The following RAP2A variants were observed in gnomAD, a reference collection of about 807,000 sequenced individuals.
RAP2A encodes RAP2A, member of RAS oncogene family, also known as ras-related protein Rap-2a.
Under a neutral mutation model 15.1 loss-of-function variants are expected in RAP2A, and 5 were observed. That is an observed-to-expected ratio of 0.33 (90% confidence interval 0.17 to 0.70). The LOEUF is 0.70. RAP2A is among the 30% of genes least tolerant of loss of function. The pLI is 0.68. For missense variants in RAP2A, 111 were observed against 240.3 expected, an observed-to-expected ratio of 0.46 and a Z score of 3.56; for synonymous variants, 110 against 99.7, an observed-to-expected ratio of 1.10 and a Z score of -0.62.
intron 1 of RAP2A, among the ~76,000 whole-genome samples, chr13:97,462,072 A>G (rs1379849451): frequency 6.9e-6 from 1 of 145,224 alleles, no homozygotes; most frequent in Non-Finnish European, 1.5e-5. Flanking sequence ...ATATTTATAT[A>G]TTATATATAT....
chr13:97,439,870 T>TAGCA (rs1224061907), intron 1 of RAP2A, among the ~76,000 whole-genome samples: 2 of 152,130 alleles, frequency 1.3e-5, no homozygotes, highest in Non-Finnish European at 2.9e-5. Context: ...GATAGTTGAC[T>TAGCA]AGCACTACCC....
At chr13:97,439,184 T>G (rs1052555459) in intron 1 of RAP2A, among the ~76,000 whole-genome samples, 1 of 152,286 alleles carries the variant, frequency 6.6e-6, no homozygotes, top group African/African-American at 2.4e-5. Flanking sequence ...GTGAAAATTT[T>G]TAAAGCTAAA....
intron 1 of RAP2A, among the ~76,000 whole-genome samples, chr13:97,451,597 T>C (rs190768012): frequency 6.6e-6 from 1 of 152,300 alleles, no homozygotes; most frequent in African/African-American, 2.4e-5. Flanking sequence ...GGATAGTTTC[T>C]AGGTAGGGGT....
chr13:97,451,482 G>A (rs1421062484), intron 1 of RAP2A, among the ~76,000 whole-genome samples: 3 of 152,210 alleles, frequency 2.0e-5, no homozygotes, highest in East Asian at 3.9e-4. Flanking sequence ...GGATTCATCC[G>A]TGTTGTTGCA....
At chr13:97,461,971 A>T (rs186003170) in intron 1 of RAP2A, among the ~76,000 whole-genome samples, 11,143 of 141,978 alleles carry the variant, frequency 0.078, 506 homozygotes, top group Middle Eastern at 0.11. Flanking sequence ...TCAAAAAAAA[A>T]ATATATATAT....
intron 1 of RAP2A, among the ~76,000 whole-genome samples, chr13:97,446,446 C>G (rs1162606857): frequency 6.6e-6 from 1 of 152,132 alleles, no homozygotes; most frequent in Non-Finnish European, 1.5e-5. Flanking sequence ...AAGATGACAT[C>G]TTTTTTACTA....
At chr13:97,436,607 T>G (rs986884145) in intron 1 of RAP2A, among the ~76,000 whole-genome samples, 1 of 152,146 alleles carries the variant, frequency 6.6e-6, no homozygotes, top group African/African-American at 2.4e-5. Context: ...TCCACATAAT[T>G]TTGTAGTTTC....
chr13:97,449,462 T>C (rs1186616531), intron 1 of RAP2A, among the ~76,000 whole-genome samples: 2 of 152,178 alleles, frequency 1.3e-5, no homozygotes, highest in Admixed American at 1.3e-4. Flanking sequence ...ATCCCTGTAA[T>C]CACTACTGGA....
intron 1 of RAP2A, among the ~76,000 whole-genome samples, chr13:97,459,267 G>C (rs1363100851): frequency 1.3e-5 from 2 of 151,686 alleles, no homozygotes; most frequent in African/African-American, 2.4e-5. Context: ...AGGGGGTAAG[G>C]AAGAAATGAT....
chr13:97,438,513 C>A (rs1255976034), intron 1 of RAP2A, among the ~76,000 whole-genome samples: 7 of 151,966 alleles, frequency 4.6e-5, no homozygotes, highest in Admixed American at 2.6e-4. Flanking sequence ...AAATATCAGA[C>A]CTTAGCAATG....
At chr13:97,459,266 G>A (rs1160232143) in intron 1 of RAP2A, among the ~76,000 whole-genome samples, 1 of 151,746 alleles carries the variant, frequency 6.6e-6, no homozygotes, top group Non-Finnish European at 1.5e-5. Flanking sequence ...AAGGGGGTAA[G>A]GAAGAAATGA....
At chr13:97,449,358 A>G (rs2066692500) in intron 1 of RAP2A, among the ~76,000 whole-genome samples, 1 of 152,228 alleles carries the variant, frequency 6.6e-6, no homozygotes, top group Admixed American at 6.5e-5. Context: ...GCAGTGTCTT[A>G]GGTATGAGTT....
intron 1 of RAP2A, 41 bp from the exon 2 acceptor site, chr13:97,464,164 A>G: frequency 1.3e-6 from 2 of 1,595,242 alleles, no homozygotes; most frequent in Non-Finnish European, 8.6e-7. Context: ...ACTTTGTGCT[A>G]ACTGTTACAA....
At chr13:97,462,958 T>G (rs1397451994) in intron 1 of RAP2A, among the ~76,000 whole-genome samples, 1 of 152,166 alleles carries the variant, frequency 6.6e-6, no homozygotes, top group Non-Finnish European at 1.5e-5. Flanking sequence ...TGATAAAAAT[T>G]GTCTATGCAT....
At chr13:97,455,728 C>T (rs575248442) in intron 1 of RAP2A, among the ~76,000 whole-genome samples, 2 of 151,596 alleles carry the variant, frequency 1.3e-5, no homozygotes, top group East Asian at 1.9e-4. Context: ...AGTCTTCCCA[C>T]TCATACACAG....
In RAP2A at chr13:97,435,540, A is replaced by G. The variant is rs1484231326; in HGVS notation, c.314+756A>G. On this transcript the variant is annotated intron_variant, in intron 1 of 1. Coordinates refer to ENST00000245304, the MANE Select transcript of RAP2A (RefSeq NM_021033.7). Reference sequence around the variant, plus strand: ...TGGAAACAAAACAGAAGCTTCTTCAAAAGTGTGACACAAGTATTAGCTAAT... The same window carrying G: ...TGGAAACAAAACAGAAGCTTCTTCAGAAGTGTGACACAAGTATTAGCTAAT... Among the ~76,000 whole-genome samples, 3 of 151,032 alleles carry G rather than the reference A, an allele frequency of 2.0e-5. No homozygotes were observed. In the East Asian group the frequency reaches 5.8e-4, roughly 29 times the overall value.
intron 1 of RAP2A, among the ~76,000 whole-genome samples, chr13:97,462,565 A>C (rs1238863637): frequency 1.3e-5 from 2 of 152,224 alleles, no homozygotes; most frequent in Admixed American, 6.5e-5. Flanking sequence ...TGTCAGCATG[A>C]TCTAAGGCCC....
chr13:97,458,904 G>A, intron 1 of RAP2A, among the ~76,000 whole-genome samples: 1 of 151,660 alleles, frequency 6.6e-6, no homozygotes, highest in East Asian at 1.9e-4. Context: ...TATTTCTGAT[G>A]TTTCATTCAG....
At chr13:97,439,534 TG>T (rs1250488504) in intron 1 of RAP2A, among the ~76,000 whole-genome samples, 4 of 152,162 alleles carry the variant, frequency 2.6e-5, no homozygotes, top group Non-Finnish European at 5.9e-5. Context: ...GAGGAATAGC[TG>T]GGGGAGATTA....
Sources: gnomAD v4.1 joint callset for allele counts (sites outside exome capture counted in the v4.1 genomes callset) on GRCh38, gnomAD v4.1.1 for gene constraint, MANE v1.5 for transcripts, NCBI Gene and HGNC (gene_info 2026-07-23, HGNC 2026-07-21) for gene names.